The following SORCS3 variants were observed in gnomAD, a reference collection of about 807,000 sequenced individuals.
SORCS3 encodes the protein sortilin related VPS10 domain containing receptor 3, also known as VPS10 domain-containing receptor SorCS3.
A neutral mutation model predicts 146.3 loss-of-function variants in SORCS3; 57 were observed. That is an observed-to-expected ratio of 0.39 (90% CI 0.31 to 0.49). The LOEUF (loss-of-function observed/expected upper bound fraction) is 0.49, where lower values mean the gene tolerates loss of function less well. Ranked by LOEUF, SORCS3 falls within the 20% of genes least tolerant of loss-of-function variation. The probability of loss-of-function intolerance (pLI) is 0.92; values close to 1 mark genes in which losing one functional copy is unlikely to be tolerated. For missense variants in SORCS3, 1,341 were observed against 1,575.5 expected (o/e 0.85, Z 2.52); for synonymous variants, 653 against 618.5 (o/e 1.06, Z -0.83).
intron 2 of SORCS3, among the ~76,000 whole-genome samples, chr10:104,845,675 G>T (rs954389810): frequency 6.6e-6 from 1 of 152,116 alleles, no homozygotes; most frequent in African/African-American, 2.4e-5. Context: ...TGAAGGTTGG[G>T]GGTTAGGGAG....
chr10:104,865,958 A>G (rs2018455077), intron 2 of SORCS3, among the ~76,000 whole-genome samples: 1 of 152,218 alleles, frequency 6.6e-6, no homozygotes, highest in Non-Finnish European at 1.5e-5. Context: ...GTCAGAGAAT[A>G]GTTTTCTATC....
intron 3 of SORCS3, among the ~76,000 whole-genome samples, chr10:104,929,057 T>C (rs2019179476): frequency 6.6e-6 from 1 of 152,176 alleles, no homozygotes; most frequent in South Asian, 2.1e-4. Flanking sequence ...CCTTAATTAT[T>C]CCTGGTTTCC....
chr10:104,781,546 C>A (rs1331184999), intron 1 of SORCS3, among the ~76,000 whole-genome samples: 3 of 152,200 alleles, frequency 2.0e-5, no homozygotes, highest in Non-Finnish European at 4.4e-5. Context: ...GTTAGTAGAG[C>A]ATGTTGACTC....
intron 22 of SORCS3, among the ~76,000 whole-genome samples, 164 bp downstream of exon 22, chr10:105,247,495 A>T (rs1452562235): frequency 6.6e-6 from 1 of 152,234 alleles, no homozygotes; most frequent in Non-Finnish European, 1.5e-5. Flanking sequence ...CACACCTGTC[A>T]TCCCAGCACT....
chr10:105,198,652 G>A (rs2056557235), intron 14 of SORCS3, among the ~76,000 whole-genome samples: 1 of 152,102 alleles, frequency 6.6e-6, no homozygotes, highest in Non-Finnish European at 1.5e-5. Flanking sequence ...AGGGAGTTAG[G>A]TTTGCTTTGC....
chr10:104,753,496 A>G lies in SORCS3; in HGVS notation c.628-89296A>G, dbSNP rs2017012144. Reference sequence around the variant, plus strand: ...GATGCACTGAATATAAAATGTTTGAATAAAGGAAGAACAGGAAGAGTGTTA... The same window carrying G: ...GATGCACTGAATATAAAATGTTTGAGTAAAGGAAGAACAGGAAGAGTGTTA... On this transcript the variant is annotated intron_variant, in intron 1 of 26. Transcript: ENST00000369701. 2.0e-5 allele frequency among the ~76,000 whole-genome samples: 3 copies of G among 152,338 alleles called. No individual in the cohort carries two copies. In the South Asian group the frequency reaches 6.2e-4, roughly 32 times the overall value.
At chr10:104,927,062 A>G (rs578061241) in intron 3 of SORCS3, among the ~76,000 whole-genome samples, 3 of 152,180 alleles carry the variant, frequency 2.0e-5, no homozygotes, top group African/African-American at 7.2e-5. Flanking sequence ...TGTTTGCTCA[A>G]TATCTTTTAA....
intron 2 of SORCS3, among the ~76,000 whole-genome samples, chr10:104,859,482 C>A (rs577666701): frequency 6.6e-6 from 1 of 152,182 alleles, no homozygotes; most frequent in Non-Finnish European, 1.5e-5. Flanking sequence ...AAAACCTAGG[C>A]ATTACCATTC....
At chr10:105,133,756 C>A (rs549859718) in intron 7 of SORCS3, among the ~76,000 whole-genome samples, 1 of 151,900 alleles carries the variant, frequency 6.6e-6, no homozygotes, top group Admixed American at 6.6e-5. Flanking sequence ...CACTTTGAGA[C>A]CAGCCTGGGC....
At position 105,220,383 on chromosome 10, in the gene SORCS3, G is replaced by T. The variant is rs1287070736; in HGVS notation, c.2735-2733G>T. ...TTGGTGTGAGTTTATGGAGAAGGGG[G>T]TCTCCTTTTATCTTCTTGGGTATCA... is the stretch of plus-strand genomic sequence containing the variant. On this transcript the variant is annotated intron_variant, in intron 19 of 26. Transcript: ENST00000369701. Among the ~76,000 whole-genome samples, 2 of 152,164 alleles carry T rather than the reference G, an allele frequency of 1.3e-5. 1 individual carries two copies. Among genetic ancestry groups the T allele is most frequent in the African/African-American group, 4.8e-5 (2 of 41,436 alleles).
chr10:105,191,213 T>TG (rs2056515134), intron 14 of SORCS3, among the ~76,000 whole-genome samples: 1 of 152,202 alleles, frequency 6.6e-6, no homozygotes, highest in Admixed American at 6.5e-5. Context: ...CTATGATTTT[T>TG]GATACATTTT....
intron 4 of SORCS3, among the ~76,000 whole-genome samples, chr10:105,026,409 T>C (rs1193549296): frequency 6.6e-6 from 1 of 152,184 alleles, no homozygotes; most frequent in East Asian, 1.9e-4. Flanking sequence ...AATGCATCAG[T>C]AGACTTCCCT....
intron 1 of SORCS3, among the ~76,000 whole-genome samples, chr10:104,750,699 G>A (rs2016973390): frequency 6.6e-6 from 1 of 152,174 alleles, no homozygotes; most frequent in Non-Finnish European, 1.5e-5. Flanking sequence ...ACAAAATGTA[G>A]CAGGGATAAA....
intron 1 of SORCS3, among the ~76,000 whole-genome samples, chr10:104,668,464 A>G (rs931561183): frequency 2.0e-4 from 31 of 152,198 alleles, no homozygotes; most frequent in African/African-American, 7.2e-4. Flanking sequence ...TACTAGCTAT[A>G]TGGTCTTGGG....
intron 14 of SORCS3, among the ~76,000 whole-genome samples, chr10:105,185,868 A>G (rs2056472408): frequency 6.6e-6 from 1 of 152,158 alleles, no homozygotes; most frequent in Non-Finnish European, 1.5e-5. Context: ...ATCACTTTAT[A>G]TGTTTTCTAA....
At chr10:104,860,251 G>A (rs904034970) in intron 2 of SORCS3, among the ~76,000 whole-genome samples, 2 of 112,332 alleles carry the variant, frequency 1.8e-5, no homozygotes, top group African/African-American at 5.7e-5. Flanking sequence ...AAAAAATGAT[G>A]AGTTCATGTC....
At chr10:105,082,253 G>T (rs2055630902) in intron 5 of SORCS3, among the ~76,000 whole-genome samples, 1 of 152,158 alleles carries the variant, frequency 6.6e-6, no homozygotes, top group Non-Finnish European at 1.5e-5. Flanking sequence ...AGAGGGAGAA[G>T]GTGCCTAAAC....
intron 14 of SORCS3, among the ~76,000 whole-genome samples, chr10:105,180,637 T>C (rs1373570799): frequency 6.6e-6 from 1 of 152,158 alleles, no homozygotes; most frequent in African/African-American, 2.4e-5. Context: ...CCATTGCCTT[T>C]AGGATAGAGT....
chr10:104,772,671 T>A lies in SORCS3; in HGVS notation c.628-70121T>A, dbSNP rs149248565. On this transcript the variant is annotated intron_variant, in intron 1 of 26. Transcript: ENST00000369701. ...TTCTAGTCTTCAAAAGATGCCATGA[T>A]CTTTGCCATCACAGTACCTTTGTTC... Among the ~76,000 whole-genome samples the A allele has an allele frequency of 2.8e-3, 422 of 152,322 alleles. 2 individuals carry two copies. The highest frequency in any genetic ancestry group is 9.1e-3 in the African/African-American group (378 of 41,578).
Sources: allele counts gnomAD v4.1 joint callset (sites outside exome capture counted in the v4.1 genomes callset), GRCh38; gene constraint gnomAD v4.1.1; transcripts MANE v1.5; gene names NCBI Gene and HGNC (gene_info 2026-07-23, HGNC 2026-07-21).